FNDC3B: variants seen among roughly 807,000 people sequenced by gnomAD.
FNDC3B encodes the protein fibronectin type III domain-containing protein 3B.
A neutral mutation model predicts 151.5 loss-of-function variants in FNDC3B; 12 were observed. The observed-to-expected ratio is 0.08, with a 90% CI of 0.05 to 0.13. The LOEUF is 0.13. Among genes scored for constraint, FNDC3B ranks in the 10% least tolerant of loss-of-function variants. The pLI is 1.00. For missense variants in FNDC3B, 1,214 were observed against 1,505.3 expected (o/e 0.81, Z 3.20); for synonymous variants, 528 against 549.0 (o/e 0.96, Z 0.54).
chr3:172,123,592 T>A (rs1215696666), intron 2 of FNDC3B, among the ~76,000 whole-genome samples: 1 of 152,230 alleles, frequency 6.6e-6, no homozygotes, highest in Non-Finnish European at 1.5e-5. Flanking sequence ...AAGGATGTGC[T>A]TTAATTAATG....
At chr3:172,254,472 T>C (rs1728235996) in intron 6 of FNDC3B, among the ~76,000 whole-genome samples, 2 of 152,222 alleles carry the variant, frequency 1.3e-5, no homozygotes, top group Admixed American at 1.3e-4. Context: ...CAGTATGGAA[T>C]AGGGACTGTA....
intron 3 of FNDC3B, among the ~76,000 whole-genome samples, chr3:172,203,114 G>T (rs1468808984): frequency 1.3e-5 from 2 of 152,176 alleles, no homozygotes; most frequent in African/African-American, 4.8e-5. Flanking sequence ...GATATATATA[G>T]AAGTGGGAAT....
At chr3:172,188,421 G>C (rs1211138324) in intron 3 of FNDC3B, among the ~76,000 whole-genome samples, 1 of 150,614 alleles carries the variant, frequency 6.6e-6, no homozygotes, top group East Asian at 2.0e-4. Context: ...TTGTTTGTTT[G>C]TTTGAGATGG....
intron 2 of FNDC3B, 144 bp from the exon 3 acceptor site, chr3:172,133,327 A>G: frequency 1.6e-6 from 1 of 641,252 alleles, no homozygotes; most frequent in Non-Finnish European, 2.7e-6. Context: ...CCATGCCCCC[A>G]ATTAAGACTT....
chr3:172,106,444 C>G (rs562436645), intron 1 of FNDC3B, among the ~76,000 whole-genome samples: 12 of 152,162 alleles, frequency 7.9e-5, no homozygotes, highest in African/African-American at 2.9e-4. Flanking sequence ...CAGGCTGGCC[C>G]GGTGGGTTTG....
At chr3:172,245,657 T>C (rs1042411361) in intron 4 of FNDC3B, among the ~76,000 whole-genome samples, 4 of 151,808 alleles carry the variant, frequency 2.6e-5, no homozygotes, top group Non-Finnish European at 5.9e-5. Flanking sequence ...TAATTATCAA[T>C]ACATGCATGA....
At chr3:172,095,175 T>C (rs1719038110) in intron 1 of FNDC3B, among the ~76,000 whole-genome samples, 1 of 152,188 alleles carries the variant, frequency 6.6e-6, no homozygotes, top group Admixed American at 6.5e-5. Flanking sequence ...TTTTACCAAC[T>C]GTTTGAGAGA....
chr3:172,360,938 TA>T (rs1734324461), intron 22 of FNDC3B, among the ~76,000 whole-genome samples: 1 of 152,208 alleles, frequency 6.6e-6, no homozygotes, highest in South Asian at 2.1e-4. Flanking sequence ...CACATCACTT[TA>T]TTTTTTTAAT....
At chr3:172,179,817 C>T (rs1279977219) in intron 3 of FNDC3B, among the ~76,000 whole-genome samples, 2 of 137,230 alleles carry the variant, frequency 1.5e-5, no homozygotes, top group Non-Finnish European at 3.0e-5. Flanking sequence ...CAGATGACAT[C>T]ACTGCACTCC....
chr3:172,114,981 A>T (rs1720172712), intron 2 of FNDC3B, among the ~76,000 whole-genome samples: 1 of 152,204 alleles, frequency 6.6e-6, no homozygotes, highest in Admixed American at 6.5e-5. Context: ...CATTAACTCT[A>T]ACTTTTCCTT....
chr3:172,396,343 GT>G (rs1287732716), intron 25 of FNDC3B, among the ~76,000 whole-genome samples: 1 of 152,104 alleles, frequency 6.6e-6, no homozygotes. Flanking sequence ...TGGGGTGGAG[GT>G]GGGATATCTT....
intron 2 of FNDC3B, among the ~76,000 whole-genome samples, chr3:172,121,785 T>C (rs1198354855): frequency 1.3e-5 from 2 of 152,224 alleles, no homozygotes; most frequent in Non-Finnish European, 2.9e-5. Flanking sequence ...CAGGCTGGTC[T>C]TGAACTCCTG....
intron 1 of FNDC3B, among the ~76,000 whole-genome samples, chr3:172,048,067 G>C (rs1047610016): frequency 1.3e-5 from 2 of 152,108 alleles, no homozygotes; most frequent in Non-Finnish European, 2.9e-5. Flanking sequence ...TCCAGGTACT[G>C]TATGAACTTG....
At chr3:172,394,508 T>C (rs1736180508) in intron 25 of FNDC3B, among the ~76,000 whole-genome samples, 1 of 151,768 alleles carries the variant, frequency 6.6e-6, no homozygotes, top group African/African-American at 2.4e-5. Context: ...CTAGAAGAAA[T>C]GTATAAATTT....
intron 6 of FNDC3B, among the ~76,000 whole-genome samples, chr3:172,257,896 G>A (rs1297603265): frequency 6.6e-6 from 1 of 152,196 alleles, no homozygotes; most frequent in Non-Finnish European, 1.5e-5. Flanking sequence ...AGAACTGCTG[G>A]CTCTTTGAGT....
intron 4 of FNDC3B, among the ~76,000 whole-genome samples, chr3:172,230,376 T>C (rs1218277816): frequency 6.7e-6 from 1 of 149,152 alleles, no homozygotes; most frequent in African/African-American, 2.5e-5. Context: ...TGGTGGCACA[T>C]GCCCGTAGTC....
chr3:172,328,413 G>GA (rs1383140778), intron 11 of FNDC3B, among the ~76,000 whole-genome samples: 1 of 152,244 alleles, frequency 6.6e-6, no homozygotes, highest in Non-Finnish European at 1.5e-5. Context: ...ATGTACTTGT[G>GA]AAGGTATTGG....
chr3:172,136,183 A>C (rs973484269), intron 3 of FNDC3B, among the ~76,000 whole-genome samples: 1 of 152,194 alleles, frequency 6.6e-6, no homozygotes, highest in Non-Finnish European at 1.5e-5. Flanking sequence ...AGCAAGGTTA[A>C]GTTCCTGTTC....
intron 6 of FNDC3B, among the ~76,000 whole-genome samples, chr3:172,278,856 G>A (rs1289289162): frequency 6.6e-6 from 1 of 152,080 alleles, no homozygotes; most frequent in East Asian, 1.9e-4. Context: ...GAACCCAGGA[G>A]GCAGAGGTTG....
Sources: allele counts gnomAD v4.1 joint callset (sites outside exome capture counted in the v4.1 genomes callset), GRCh38; gene constraint gnomAD v4.1.1; transcripts MANE v1.5; gene names NCBI Gene and HGNC (gene_info 2026-07-23, HGNC 2026-07-21).